GRB2: variants seen among roughly 807,000 people sequenced by gnomAD.
GRB2 encodes growth factor receptor-bound protein 2.
In GRB2, 2 loss-of-function variants were observed where a neutral mutation model predicts 27.4. The ratio of observed to expected loss-of-function variants is 0.07; its 90% CI spans 0.03 to 0.23. GRB2 has a LOEUF of 0.23. GRB2 is among the 10% of genes least tolerant of loss of function. GRB2 has a pLI of 1.00. For missense variants in GRB2, 102 were observed against 282.4 expected, an observed-to-expected ratio of 0.36 and a Z score of 4.58; for synonymous variants, 94 against 99.6, an observed-to-expected ratio of 0.94 and a Z score of 0.33.
intron 2 of GRB2, among the ~76,000 whole-genome samples, chr17:75,390,624 G>A (rs548809833): frequency 2.0e-5 from 3 of 152,174 alleles, no homozygotes; most frequent in Non-Finnish European, 2.9e-5. Flanking sequence ...TAGGCTTCCA[G>A]TAAAATGCTT....
At chr17:75,334,419 A>C (rs2078562885) in intron 2 of GRB2, among the ~76,000 whole-genome samples, 1 of 151,576 alleles carries the variant, frequency 6.6e-6, no homozygotes, top group Non-Finnish European at 1.5e-5. Context: ...GATCCACCCG[A>C]CTCGGCCTCC....
chr17:75,324,850 T>C (rs981258422), intron 4 of GRB2, among the ~76,000 whole-genome samples: 3 of 151,910 alleles, frequency 2.0e-5, no homozygotes, highest in Admixed American at 6.6e-5. Flanking sequence ...TCGAGGTGGG[T>C]GGATCACCTG....
At chr17:75,404,740 A>G (rs1213001101) in intron 1 of GRB2, 1 of 152,064 alleles carries the variant, frequency 6.6e-6, no homozygotes, top group East Asian at 1.9e-4. Context: ...AAAGAGACAG[A>G]CCTCAAGTGC....
intron 2 of GRB2, among the ~76,000 whole-genome samples, chr17:75,378,960 A>G (rs1186988441): frequency 6.6e-6 from 1 of 152,198 alleles, no homozygotes; most frequent in Non-Finnish European, 1.5e-5. Flanking sequence ...AAAAGTCTTA[A>G]TCATTGTATC....
intron 4 of GRB2, among the ~76,000 whole-genome samples, chr17:75,324,187 A>T (rs919340857): frequency 8.2e-6 from 1 of 121,924 alleles, no homozygotes; most frequent in African/African-American, 2.5e-5. Context: ...CTAAAACCAA[A>T]TAAGATATTC....
At chr17:75,347,270 T>C (rs967158442) in intron 2 of GRB2, among the ~76,000 whole-genome samples, 6 of 152,096 alleles carry the variant, frequency 3.9e-5, no homozygotes, top group Non-Finnish European at 8.8e-5. Flanking sequence ...ACTGAAAGCC[T>C]GAAAGCCACA....
chr17:75,352,233 T>C (rs1285700888), intron 2 of GRB2, among the ~76,000 whole-genome samples: 1 of 152,166 alleles, frequency 6.6e-6, no homozygotes, highest in African/African-American at 2.4e-5. Flanking sequence ...CAGCCCCTGC[T>C]CTTGGCAGGC....
At chr17:75,323,121 TAA>T (rs55801107) in intron 4 of GRB2, among the ~76,000 whole-genome samples, 41 of 101,270 alleles carry the variant, frequency 4.0e-4, no homozygotes, top group Admixed American at 6.5e-4. Context: ...TCCATCTCAT[TAA>T]AAAAAAAAAA....
intron 2 of GRB2, chr17:75,372,220 A>C (rs1457094306): frequency 6.6e-6 from 1 of 152,258 alleles, no homozygotes; most frequent in Non-Finnish European, 1.5e-5. Context: ...GAGAACTCTT[A>C]TTTCCACTAG....
At chr17:75,401,815 C>G (rs1354586660) in intron 1 of GRB2, among the ~76,000 whole-genome samples, 1 of 152,232 alleles carries the variant, frequency 6.6e-6, no homozygotes, top group Non-Finnish European at 1.5e-5. Flanking sequence ...CTCTGGCTCT[C>G]TCCAAAAGAC....
At chr17:75,334,748 T>C (rs895706651) in intron 2 of GRB2, among the ~76,000 whole-genome samples, 12 of 152,160 alleles carry the variant, frequency 7.9e-5, no homozygotes, top group African/African-American at 2.9e-4. Flanking sequence ...AGGACCAGCC[T>C]GGGCAACATA....
chr17:75,349,508 CTTTTT>C (rs36010389), intron 2 of GRB2, among the ~76,000 whole-genome samples: 3 of 115,910 alleles, frequency 2.6e-5, no homozygotes, highest in South Asian at 2.9e-4. Flanking sequence ...ATAACTCAGA[CTTTTT>C]TTTTTTTTTT....
chr17:75,323,969 C>A (rs2078478443), intron 4 of GRB2, among the ~76,000 whole-genome samples: 1 of 151,956 alleles, frequency 6.6e-6, no homozygotes. Flanking sequence ...GCCACCACGC[C>A]TGGCTAATTT....
At chr17:75,374,533 T>A (rs940922483) in intron 2 of GRB2, among the ~76,000 whole-genome samples, 4 of 151,814 alleles carry the variant, frequency 2.6e-5, no homozygotes, top group Non-Finnish European at 5.9e-5. Flanking sequence ...AGTTTGAGAT[T>A]AGCCTGGCAA....
intron 3 of GRB2, among the ~76,000 whole-genome samples, chr17:75,328,484 T>C (rs964706385): frequency 7.0e-5 from 10 of 143,798 alleles, no homozygotes; most frequent in Non-Finnish European, 1.2e-4. Flanking sequence ...CTACTAAAAA[T>C]ACAAAATTAG....
At chr17:75,387,344 C>T (rs924139951) in intron 2 of GRB2, 5 of 151,450 alleles carry the variant, frequency 3.3e-5, no homozygotes, top group African/African-American at 9.7e-5. Flanking sequence ...GTAGTCCCAG[C>T]TATAGGCTGA....
intron 2 of GRB2, among the ~76,000 whole-genome samples, chr17:75,367,732 T>G (rs1448708846): frequency 1.3e-5 from 2 of 152,262 alleles, no homozygotes; most frequent in African/African-American, 4.8e-5. Context: ...CTTTCTCCAA[T>G]TAGATAATTC....
rs536765722 is a variant in GRB2 at position 75,367,177 on chromosome 17, T to G, written c.78+26374A>C. ...TATAATCAGACCCACTGCTCTTTTT[T>G]TCCCCCTATTCAGGACAGGGTCTTA... On this transcript the variant is annotated intron_variant, in intron 2 of 5. Transcript: ENST00000316804. Among the ~76,000 whole-genome samples the G allele has an allele frequency of 3.3e-4, 50 of 152,242 alleles. No homozygotes were observed. The South Asian group carries it at 0.01, about 32-fold the overall frequency.
chr17:75,338,756 GA>G (rs1266702864), intron 2 of GRB2: 2 of 572,860 alleles, frequency 3.5e-6, no homozygotes, highest in Non-Finnish European at 6.3e-6. Context: ...AAGAGATGAG[GA>G]ATGAGGTGAG....
Sources: allele counts gnomAD v4.1 joint callset (sites outside exome capture counted in the v4.1 genomes callset), GRCh38; gene constraint gnomAD v4.1.1; transcripts MANE v1.5; gene names NCBI Gene and HGNC (gene_info 2026-07-23, HGNC 2026-07-21).